Variants in BACE2 observed in about 807,000 individuals in gnomAD.
BACE2 encodes beta-secretase 2, also known as 56 kDa aspartic-like protease.
Under a neutral mutation model 46.2 loss-of-function variants are expected in BACE2, and 17 were observed. The observed-to-expected ratio is 0.37, with a 90% confidence interval of 0.25 to 0.55. BACE2 has a LOEUF of 0.55. Ranked by LOEUF, BACE2 falls within the 20% of genes least tolerant of loss-of-function variation. BACE2 has a pLI of 0.82. For missense variants in BACE2, 595 were observed against 698.1 expected, an observed-to-expected ratio of 0.85 and a Z score of 1.66; for synonymous variants, 277 against 295.9, an observed-to-expected ratio of 0.94 and a Z score of 0.66.
chr21:41,168,292 T>C lies in BACE2; in HGVS notation c.29T>C (p.Leu10Pro). ...GGCGCACTGGCCCGGGCGCTGCTGC[T>C]GCCTCTGCTGGCCCAGTGGCTCCTG... MGALARALLLPLLAQWLLRA... is the reference protein window; with the variant it reads MGALARALLPPLLAQWLLRA... Residue 10 changes from leucine to proline, a missense_variant, in exon 1 of 9, where the codon CTG (leucine) becomes CCG (proline). This residue lies in a region of BACE2 where 248 missense variants were observed against 261.4 expected (regional missense o/e 0.95). Transcript: ENST00000330333. 1 of 1,274,026 alleles carries C rather than the reference T, an allele frequency of 7.8e-7. No individual in the cohort carries two copies. The highest frequency in any genetic ancestry group is 9.9e-7 in the Non-Finnish European group (1 of 1,012,134). The allele number at this position is 1,274,026 out of a possible 1,614,324, so 78.9% of individuals were successfully genotyped here. A position where few individuals can be genotyped will look rare whatever the true frequency, so the allele number is the denominator to read the frequency against.
chr21:41,174,285 G>A lies in BACE2; in HGVS notation c.312+5710G>A, dbSNP rs1984724805. 2.6e-5 allele frequency among the ~76,000 whole-genome samples: 4 copies of A among 151,924 alleles called. No individual in the cohort carries two copies. The South Asian group carries it at 8.3e-4, about 32-fold the overall frequency. On this transcript the variant is annotated intron_variant, in intron 1 of 8. Coordinates refer to ENST00000330333, the MANE Select transcript of BACE2 (RefSeq NM_012105.5). ...AGCCTCCTGAGTAGCTGCGACTACA[G>A]GTGTGTGCCACGACAACCAGCTAAT...
rs1320673100 is a variant in BACE2, at chr21:41,276,538, C to T, written c.*914C>T. On this transcript the variant is annotated 3_prime_UTR_variant, in exon 9 of 9. Coordinates refer to ENST00000330333, the MANE Select transcript of BACE2 (RefSeq NM_012105.5). Reference sequence around the variant, plus strand: ...TCTATCCCCAAGCTGGCCACTATCACATATGCTTACTCTTGCTTAAAATTA... The same window carrying T: ...TCTATCCCCAAGCTGGCCACTATCATATATGCTTACTCTTGCTTAAAATTA... 1.3e-5 allele frequency: 2 copies of T among 152,240 alleles called. No individual in the cohort carries two copies. Among genetic ancestry groups the T allele is most frequent in the African/African-American group, 4.8e-5 (2 of 41,444 alleles). The allele number at this position is 152,240 out of a possible 1,614,324, so 9.4% of individuals were successfully genotyped here. A position where few individuals can be genotyped will look rare whatever the true frequency, so the allele number is the denominator to read the frequency against.
intron 1 of BACE2, among the ~76,000 whole-genome samples, chr21:41,203,166 A>G: frequency 6.6e-6 from 1 of 152,224 alleles, no homozygotes; most frequent in East Asian, 1.9e-4. Flanking sequence ...TGTTGTAGGC[A>G]TGGTGATAGA....
intron 1 of BACE2, among the ~76,000 whole-genome samples, chr21:41,210,069 A>G (rs1986250402): frequency 6.6e-6 from 1 of 151,850 alleles, no homozygotes; most frequent in Non-Finnish European, 1.5e-5. Flanking sequence ...TCCCAGGTCC[A>G]GAAGAATTAG....
intron 7 of BACE2, among the ~76,000 whole-genome samples, chr21:41,254,401 C>G (rs1482752382): frequency 6.6e-6 from 1 of 152,174 alleles, no homozygotes; most frequent in Admixed American, 6.5e-5. Context: ...CCCTCAAACC[C>G]CCTACAGCCA....
chr21:41,243,285 G>A (rs1048432064), intron 4 of BACE2, 91 bp from the exon 5 acceptor site: 145 of 1,096,228 alleles, frequency 1.3e-4, no homozygotes, highest in Non-Finnish European at 1.8e-4. Flanking sequence ...TTGCAGTGAA[G>A]TTTCTCTTTA....
intron 5 of BACE2, among the ~76,000 whole-genome samples, chr21:41,244,676 A>C (rs1987409974): frequency 6.6e-6 from 1 of 152,184 alleles, no homozygotes; most frequent in Admixed American, 6.5e-5. Context: ...GGTCACAGTC[A>C]CAGGGGATAA....
rs575900839 is a variant in BACE2, at chr21:41,277,380, G to C, written c.*1756G>C. 1.1e-4 allele frequency: 17 copies of C among 152,318 alleles called. No individual in the cohort carries two copies. Among genetic ancestry groups the C allele is most frequent in the African/African-American group, 4.1e-4 (17 of 41,548 alleles). 9.4% of individuals were successfully genotyped at this position (152,318 alleles called of 1,614,324 possible). A position where few individuals can be genotyped will look rare whatever the true frequency, so the allele number is the denominator to read the frequency against. On this transcript the variant is annotated 3_prime_UTR_variant, in exon 9 of 9. Transcript: ENST00000330333. ...TGCAGCCTCTTGGAAAGAACATGAC[G>C]GCACGGAACGGGAGGAGGGGGCTCT...
chr21:41,275,955 C>G lies in BACE2; in HGVS notation c.*331C>G, dbSNP rs2088485003. On this transcript the variant is annotated 3_prime_UTR_variant, in exon 9 of 9. Coordinates refer to ENST00000330333, the MANE Select transcript of BACE2 (RefSeq NM_012105.5). ...AAACAAAACCAAGCCTTGGCTCGTT[C>G]TCTTCTCTCTTCAATCTCTGGAAAA... 3.6e-6 allele frequency: 1 copy of G among 280,040 alleles called. No homozygotes were observed. Among genetic ancestry groups the G allele is most frequent in the African/African-American group, 2.2e-5 (1 of 46,226 alleles). 17.3% of individuals were successfully genotyped at this position (280,040 alleles called of 1,614,324 possible).
intron 2 of BACE2, among the ~76,000 whole-genome samples, chr21:41,233,307 G>C (rs1987019650): frequency 6.6e-6 from 1 of 152,188 alleles, no homozygotes; most frequent in Admixed American, 6.5e-5. Flanking sequence ...CTTCACGAGG[G>C]ATGGTATTAT....
chr21:41,249,933 T>C (rs531183838), intron 6 of BACE2, among the ~76,000 whole-genome samples: 96 of 152,354 alleles, frequency 6.3e-4, no homozygotes, highest in African/African-American at 2.3e-3. Flanking sequence ...TACTGGTGGA[T>C]GTCCTGTGTT....
Position 41,241,728 on chromosome 21 carries a change from G to C in BACE2, c.619-91G>C, listed in dbSNP as rs977957783. Reference sequence around the variant, plus strand: ...TGAAAAAATTGAGTATAAACACCAGGAATGTCTGTGGCGCGTGGCGTCTAC... The same window carrying C: ...TGAAAAAATTGAGTATAAACACCAGCAATGTCTGTGGCGCGTGGCGTCTAC... On this transcript the variant is annotated intron_variant, in intron 3 of 8. Coordinates refer to ENST00000330333, the MANE Select transcript of BACE2 (RefSeq NM_012105.5). 8 of 1,466,532 alleles carry C rather than the reference G, an allele frequency of 5.5e-6. No homozygotes were observed. The East Asian group carries it at 1.1e-4, about 21-fold the overall frequency. 90.8% of individuals were successfully genotyped at this position (1,466,532 alleles called of 1,614,324 possible).
intron 1 of BACE2, among the ~76,000 whole-genome samples, chr21:41,198,052 T>G (rs1277647871): frequency 6.6e-6 from 1 of 152,164 alleles, no homozygotes. Flanking sequence ...AGTGCAGTGG[T>G]GCAATCTCGG....
intron 1 of BACE2, 106 bp downstream of exon 1, chr21:41,168,681 G>T (rs1220300572): frequency 3.4e-6 from 3 of 880,250 alleles, no homozygotes; most frequent in East Asian, 6.7e-5. Context: ...AGCAGCAGCT[G>T]TCCCCGCACA....
chr21:41,185,797 C>T (rs572137501), intron 1 of BACE2, among the ~76,000 whole-genome samples: 1 of 152,306 alleles, frequency 6.6e-6, no homozygotes, highest in South Asian at 2.1e-4. Flanking sequence ...GGGCGGCCAA[C>T]CCCGTGAACC....
rs1312513749 is a variant in BACE2, at chr21:41,243,810, A to C, written c.882+300A>C. On this transcript the variant is annotated intron_variant, in intron 5 of 8. Coordinates refer to ENST00000330333, the MANE Select transcript of BACE2 (RefSeq NM_012105.5). ...TTCACCATTCATTCATCTTGGATTG[A>C]TGGTCCCTAAGCTCAGTTTAAGAGG... Among the ~76,000 whole-genome samples the C allele has an allele frequency of 2.0e-5, 3 of 152,238 alleles. No homozygotes were observed. The East Asian group carries it at 5.8e-4, about 29-fold the overall frequency.
chr21:41,230,161 A>G (rs2837973), intron 2 of BACE2: 18,261 of 152,228 alleles, frequency 0.12, 1,378 homozygotes, highest in African/African-American at 0.2. Context: ...CCATTCTTCA[A>G]CAGAACTGTA....
In BACE2 at chr21:41,226,371, T is replaced by A. The variant is rs369484338; in HGVS notation, c.401+17T>A. 6.2e-7 allele frequency: 1 copy of A among 1,607,208 alleles called. No individual in the cohort carries two copies. The highest frequency in any genetic ancestry group is 1.1e-5 in the South Asian group (1 of 89,062). ...CACAGAGAGGTAAGCGCTGGCCCCT[T>A]GGCTGGTGTGCTGGGCCGGGGCACT... On this transcript the variant is annotated intron_variant, in intron 2 of 8. Transcript: ENST00000330333.
intron 1 of BACE2, among the ~76,000 whole-genome samples, chr21:41,199,046 C>G (rs1255057478): frequency 7.4e-6 from 1 of 135,976 alleles, no homozygotes; most frequent in Non-Finnish European, 1.6e-5. Context: ...GACAGGCCCC[C>G]ATGTGTGATG....
Sources: allele counts gnomAD v4.1 joint callset (sites outside exome capture counted in the v4.1 genomes callset), GRCh38; gene constraint gnomAD v4.1.1; regional missense constraint gnomAD v4.1.1; transcripts MANE v1.5; gene names NCBI Gene and HGNC (gene_info 2026-07-23, HGNC 2026-07-21).